The following LRRC7 variants were observed in gnomAD, a reference collection of about 807,000 sequenced individuals.
LRRC7 encodes leucine rich repeat containing 7.
In LRRC7, 23 loss-of-function variants were observed where a neutral mutation model predicts 175.7. That is an observed-to-expected ratio of 0.13 (90% CI 0.09 to 0.19). LRRC7 has a LOEUF of 0.19. LRRC7 is among the 10% of genes least tolerant of loss of function. The pLI, the probability that LRRC7 is intolerant of heterozygous loss-of-function variation, is 1.00. For synonymous variants in LRRC7, 685 were observed against 680.9 expected, an observed-to-expected ratio of 1.01 and a Z score of -0.09; for missense variants, 1,354 against 1,904.7, an observed-to-expected ratio of 0.71 and a Z score of 5.38.
intron 26 of LRRC7, among the ~76,000 whole-genome samples, chr1:70,110,418 C>T (rs1665448135): frequency 6.6e-6 from 1 of 152,000 alleles, no homozygotes; most frequent in Non-Finnish European, 1.5e-5. Context: ...TTAGTGTCTA[C>T]TTGCAAGGTA....
At chr1:69,694,587 C>A (rs1018522356) in intron 2 of LRRC7, among the ~76,000 whole-genome samples, 14 of 152,102 alleles carry the variant, frequency 9.2e-5, no homozygotes, top group African/African-American at 3.4e-4. Context: ...TGAAATCTGA[C>A]CTTCAAAGTT....
chr1:70,056,239 C>T (rs1395622584), intron 23 of LRRC7, among the ~76,000 whole-genome samples: 1 of 152,094 alleles, frequency 6.6e-6, no homozygotes, highest in African/African-American at 2.4e-5. Context: ...TGGCCCAGAA[C>T]TCCATGGAAC....
intron 25 of LRRC7, among the ~76,000 whole-genome samples, chr1:70,097,791 T>C (rs1445664821): frequency 2.6e-5 from 4 of 151,640 alleles, no homozygotes; most frequent in Admixed American, 2.6e-4. Context: ...GGACATGAAC[T>C]CATCATTTTT....
intron 8 of LRRC7, 93 bp downstream of exon 8, chr1:69,931,663 CA>C (rs1647396381): frequency 1.0e-6 from 1 of 986,222 alleles, no homozygotes; most frequent in East Asian, 2.6e-5. Context: ...AACTTGATTG[CA>C]CGTTTGCATT....
intron 2 of LRRC7, among the ~76,000 whole-genome samples, chr1:69,709,923 T>C (rs1456030312): frequency 6.6e-6 from 1 of 152,132 alleles, no homozygotes; most frequent in African/African-American, 2.4e-5. Context: ...CAACTATGTG[T>C]ATGGATATAT....
chr1:69,586,244 A>C (rs765444214), intron 1 of LRRC7, among the ~76,000 whole-genome samples: 8 of 152,150 alleles, frequency 5.3e-5, no homozygotes, highest in Non-Finnish European at 1.0e-4. Context: ...ATATTATTGT[A>C]ATTGGTCTCT....
At chr1:70,105,490 C>G (rs974948288) in intron 25 of LRRC7, among the ~76,000 whole-genome samples, 5 of 152,094 alleles carry the variant, frequency 3.3e-5, no homozygotes, top group African/African-American at 1.2e-4. Context: ...AGATATTTGT[C>G]CACACAAATA....
intron 22 of LRRC7, among the ~76,000 whole-genome samples, chr1:70,048,308 A>G (rs1336735071): frequency 6.6e-6 from 1 of 152,018 alleles, no homozygotes; most frequent in Non-Finnish European, 1.5e-5. Flanking sequence ...TTGTCTTGCA[A>G]CTCATAAAAC....
chr1:69,888,490 G>A (rs957580665), intron 7 of LRRC7, among the ~76,000 whole-genome samples: 20 of 152,024 alleles, frequency 1.3e-4, no homozygotes, highest in Admixed American at 6.5e-4. Flanking sequence ...CACGGTGCGC[G>A]CACCCACTGA....
chr1:70,061,818 T>TA lies in LRRC7; in HGVS notation c.4230+8674dup, dbSNP rs567364513. ...ATACTTTCCTTGGAGTTTTGGTATC[T>TA]ACTAGAAATAACCTAGAACTGAATT... On this transcript the variant is annotated intron_variant, in intron 23 of 26. Coordinates refer to ENST00000651989, the MANE Select transcript of LRRC7 (RefSeq NM_001370785.2). Among the ~76,000 whole-genome samples, 691 of 152,312 alleles carry TA rather than the reference T, an allele frequency of 4.5e-3. 5 individuals are homozygous for TA. The highest frequency in any genetic ancestry group is 0.023 in the South Asian group (113 of 4,832).
intron 2 of LRRC7, among the ~76,000 whole-genome samples, chr1:69,713,303 T>C (rs895591932): frequency 2.0e-5 from 3 of 150,428 alleles, no homozygotes; most frequent in African/African-American, 7.3e-5. Flanking sequence ...CCAGGAAGCA[T>C]AGTGAGACTT....
intron 2 of LRRC7, among the ~76,000 whole-genome samples, chr1:69,749,274 C>T (rs956807507): frequency 2.0e-5 from 3 of 152,200 alleles, no homozygotes; most frequent in African/African-American, 7.2e-5. Context: ...TAGTACAAAC[C>T]TTCTCTCAAG....
rs747982669 is a variant in LRRC7 at position 70,039,400 on chromosome 1, C to T, written c.3576C>T (p.Arg1192=). The T allele has an allele frequency of 2.9e-5, 47 of 1,613,948 alleles. No homozygotes were observed. The highest frequency in any genetic ancestry group is 8.3e-5 in the Admixed American group (5 of 60,002). ...GRPPYRGGLD[R]QSSVTVTESQ... ...CCCCATATAGGGGAGGGCTGGATCG[C>T]CAAAGCAGCGTTACAGTGACTGAGT... is the stretch of plus-strand genomic sequence containing the variant. The change falls in exon 21 of 27, where the codon CGC becomes CGT. Residue 1192 remains arginine (R), a synonymous_variant. Coordinates refer to ENST00000651989, the MANE Select transcript of LRRC7 (RefSeq NM_001370785.2).
intron 7 of LRRC7, among the ~76,000 whole-genome samples, chr1:69,893,936 G>A (rs1645908039): frequency 6.6e-6 from 1 of 152,158 alleles, no homozygotes; most frequent in South Asian, 2.1e-4. Flanking sequence ...TGTGCAGGAT[G>A]CAAGGAGATT....
chr1:69,971,904 G>A (rs1368864824), intron 8 of LRRC7, among the ~76,000 whole-genome samples: 1 of 152,144 alleles, frequency 6.6e-6, no homozygotes, highest in Non-Finnish European at 1.5e-5. Context: ...AAACAGAATG[G>A]TACTGGCATA....
chr1:70,031,664 C>G (rs1212482484), intron 18 of LRRC7, among the ~76,000 whole-genome samples: 2 of 152,138 alleles, frequency 1.3e-5, no homozygotes, highest in East Asian at 3.8e-4. Context: ...TAAACACCAC[C>G]TATCTTCTCA....
At chr1:70,117,828 A>G (rs1665958609) in intron 26 of LRRC7, among the ~76,000 whole-genome samples, 1 of 152,144 alleles carries the variant, frequency 6.6e-6, no homozygotes, top group Admixed American at 6.5e-5. Context: ...CAAATCTATG[A>G]TAGTGTGTTT....
chr1:69,924,473 A>C (rs940137099), intron 7 of LRRC7, among the ~76,000 whole-genome samples: 9 of 151,994 alleles, frequency 5.9e-5, no homozygotes, highest in East Asian at 1.9e-4. Context: ...CTTTTATTTC[A>C]TTGAGCAGTG....
At chr1:69,787,178 TG>T (rs1436548158) in intron 3 of LRRC7, among the ~76,000 whole-genome samples, 10 of 152,238 alleles carry the variant, frequency 6.6e-5, no homozygotes, top group African/African-American at 2.2e-4. Flanking sequence ...GTCACGCTGT[TG>T]CAAGAGGTGG....
Sources: gnomAD v4.1 joint callset for allele counts (sites outside exome capture counted in the v4.1 genomes callset) on GRCh38, gnomAD v4.1.1 for gene constraint, MANE v1.5 for transcripts, NCBI Gene and HGNC (gene_info 2026-07-23, HGNC 2026-07-21) for gene names.